The following MIF variants were observed in gnomAD, a reference collection of about 807,000 sequenced individuals.
MIF encodes the protein L-dopachrome isomerase.
Under a neutral mutation model 11.3 loss-of-function variants are expected in MIF, and 16 were observed. The ratio of observed to expected loss-of-function variants is 1.42; its 90% CI spans 0.96 to 2.16. MIF has a LOEUF of 2.16. MIF is among the 30% of genes most tolerant of loss of function. MIF has a pLI of 0.00. For synonymous variants in MIF, 83 were observed against 74.2 expected (o/e 1.12, Z -0.61); for missense variants, 229 against 165.3 (o/e 1.39, Z -2.11).
rs763638418 is a variant in MIF at position 23,894,754 on chromosome 22, C to G, written c.109-18C>G. ...GACGAGGTCGCTGGGGCGGGCTGAC[C>G]GCGCCCTTTCCTCGCAGTACATCGC... On this transcript the variant is annotated intron_variant, in intron 1 of 2. Coordinates refer to ENST00000215754, the MANE Select transcript of MIF (RefSeq NM_002415.2). The G allele has an allele frequency of 4.0e-6, 6 of 1,511,122 alleles. No homozygotes were observed. The highest frequency in any genetic ancestry group is 5.3e-6 in the Non-Finnish European group (6 of 1,131,580). The allele number at this position is 1,511,122 out of a possible 1,614,324, so 93.6% of individuals were successfully genotyped here.
chr22:23,894,734 G>A (rs1427930646), intron 1 of MIF, 38 bp from the exon 2 acceptor site: 1 of 1,490,000 alleles, frequency 6.7e-7, no homozygotes, highest in Non-Finnish European at 8.9e-7. Flanking sequence ...GGCCCGACGA[G>A]GTCGCTGGGG....
rs1340978735 is a variant in MIF, at chr22:23,894,897, G to A, written c.234G>A (p.Lys78=). The A allele has an allele frequency of 6.4e-7, 1 of 1,554,360 alleles. No homozygotes were observed. Among genetic ancestry groups the A allele is most frequent in the Middle Eastern group, 1.7e-4 (1 of 5,952 alleles). ...GCGCGCAGAACCGCTCCTACAGCAA[G>A]CTGCTGTGCGGCCTGCTGGCCGAGC... ...IGGAQNRSYS[K]LLCGLLAERL... is the part of the protein sequence containing the mutation. Residue 78 remains lysine (K), a synonymous_variant, in exon 2 of 3, where the codon AAG becomes AAA. Transcript: ENST00000215754.
intron 1 of MIF, 71 bp downstream of exon 1, chr22:23,894,653 G>A (rs984701782): frequency 5.9e-6 from 9 of 1,514,480 alleles, no homozygotes; most frequent in Non-Finnish European, 7.2e-6. Context: ...AGCTGGGGAG[G>A]CGACTCCTGA....
intron 1 of MIF, 30 bp downstream of exon 1, chr22:23,894,612 G>A (rs1325048445): frequency 6.3e-7 from 1 of 1,598,282 alleles, no homozygotes; most frequent in Non-Finnish European, 8.6e-7. Flanking sequence ...GAAGAGGGGG[G>A]TGCCCACCGG....
At position 23,895,148 on chromosome 22, in the gene MIF, G is replaced by C. The variant is rs1337338166; in HGVS notation, c.*42G>C. The C allele has an allele frequency of 1.9e-6, 3 of 1,542,616 alleles. No homozygotes were observed. The highest frequency in any genetic ancestry group is 2.0e-5 in the Admixed American group (1 of 50,984). On this transcript the variant is annotated 3_prime_UTR_variant, in exon 3 of 3. Coordinates refer to ENST00000215754, the MANE Select transcript of MIF (RefSeq NM_002415.2). Reference sequence around the variant, plus strand: ...CGCTGTCTGCGCTGGCTCCACCCGGGAACCCGCCGCACGCTGTGTTCTAGG... The same window carrying C: ...CGCTGTCTGCGCTGGCTCCACCCGGCAACCCGCCGCACGCTGTGTTCTAGG...
chr22:23,894,398 G>T lies in MIF; in HGVS notation c.-77G>T. 2 of 1,225,722 alleles carry T rather than the reference G, an allele frequency of 1.6e-6. No homozygotes were observed. The highest frequency in any genetic ancestry group is 2.4e-5 in the South Asian group (2 of 81,946). The allele number at this position is 1,225,722 out of a possible 1,614,324, so 75.9% of individuals were successfully genotyped here. A position where few individuals can be genotyped will look rare whatever the true frequency, so the allele number is the denominator to read the frequency against. ...GCGGGACCACAGTGGTGTCCGAGAA[G>T]TCAGGCACGTAGCTCAGCGGCGGCC... is the stretch of plus-strand genomic sequence containing the variant. On this transcript the variant is annotated 5_prime_UTR_variant, in exon 1 of 3. Transcript: ENST00000215754.
chr22:23,894,961 AG>A lies in MIF; in HGVS notation c.281+21del, dbSNP rs2146164385. The A allele has an allele frequency of 2.6e-6, 4 of 1,543,864 alleles. No individual in the cohort carries two copies. The East Asian group carries it at 9.9e-5, about 38-fold the overall frequency. ...CCCGGACAGGTACGCGGAGTCGCGG[AG>A]GGGCGGGGGAGGGGCGGCGGCGCGC... On this transcript the variant is annotated intron_variant, in intron 2 of 2. Transcript: ENST00000215754.
At chr22:23,894,998 G>C (rs1215762121) in intron 2 of MIF, 42 bp from the exon 3 acceptor site, 23 of 1,541,042 alleles carry the variant, frequency 1.5e-5, no homozygotes, top group Middle Eastern at 1.9e-4. Context: ...GGCCAGGCCC[G>C]GGACTGAGCC....
chr22:23,894,501 C>T lies in MIF; in HGVS notation c.27C>T (p.Asn9=), dbSNP rs554255392. MPMFIVNT[N]VPRASVPDGF... ...TGCCGATGTTCATCGTAAACACCAA[C>T]GTGCCCCGCGCCTCCGTGCCGGACG... The change falls in exon 1 of 3, where the codon AAC becomes AAT. Residue 9 remains asparagine, a synonymous_variant. Transcript: ENST00000215754. 2 of 1,613,206 alleles carry T rather than the reference C, an allele frequency of 1.2e-6. No homozygotes were observed. Among genetic ancestry groups the T allele is most frequent in the African/African-American group, 1.3e-5 (1 of 75,036 alleles).
At position 23,894,404 on chromosome 22, in the gene MIF, C is replaced by A. The variant is rs17004038; in HGVS notation, c.-71C>A. On this transcript the variant is annotated 5_prime_UTR_variant, in exon 1 of 3. Coordinates refer to ENST00000215754, the MANE Select transcript of MIF (RefSeq NM_002415.2). Reference sequence around the variant, plus strand: ...CCACAGTGGTGTCCGAGAAGTCAGGCACGTAGCTCAGCGGCGGCCGCGGCG... The same window carrying A: ...CCACAGTGGTGTCCGAGAAGTCAGGAACGTAGCTCAGCGGCGGCCGCGGCG... The A allele has an allele frequency of 7.9e-4, 1,008 of 1,277,038 alleles. 11 individuals carry two copies. The East Asian group carries it at 0.021, about 27-fold the overall frequency. The allele number at this position is 1,277,038 out of a possible 1,614,324, so 79.1% of individuals were successfully genotyped here. A position where few individuals can be genotyped will look rare whatever the true frequency, so the allele number is the denominator to read the frequency against.
rs1417221271 is a variant in MIF, at chr22:23,894,486, C to T, written c.12C>T (p.Phe4=). 1.2e-6 allele frequency: 2 copies of T among 1,613,072 alleles called. No individual in the cohort carries two copies. The highest frequency in any genetic ancestry group is 2.2e-5 in the East Asian group (1 of 44,866). ...GTCCTTCTGCCATCATGCCGATGTTCATCGTAAACACCAACGTGCCCCGCG... is the reference window on the plus strand; with the variant it reads ...GTCCTTCTGCCATCATGCCGATGTTTATCGTAAACACCAACGTGCCCCGCG... MPM[F]IVNTNVPRAS... is the part of the protein sequence containing the mutation. Residue 4 remains phenylalanine, a synonymous_variant, in exon 1 of 3, where the codon TTC becomes TTT. Transcript: ENST00000215754.
In MIF at chr22:23,895,174, C is replaced by A; in HGVS notation, c.*68C>A. 2 of 1,444,766 alleles carry A rather than the reference C, an allele frequency of 1.4e-6. No homozygotes were observed. Among genetic ancestry groups the A allele is most frequent in the Non-Finnish European group, 1.9e-6 (2 of 1,049,754 alleles). 89.5% of individuals were successfully genotyped at this position (1,444,766 alleles called of 1,614,324 possible). On this transcript the variant is annotated 3_prime_UTR_variant, in exon 3 of 3. Coordinates refer to ENST00000215754, the MANE Select transcript of MIF (RefSeq NM_002415.2). ...AACCCGCCGCACGCTGTGTTCTAGG[C>A]CCGCCCACCCCAACCTTCTGGTGGG... is the stretch of plus-strand genomic sequence containing the variant.
chr22:23,894,721 C>T, intron 1 of MIF, 51 bp from the exon 2 acceptor site: 2 of 1,479,246 alleles, frequency 1.4e-6, no homozygotes, highest in Middle Eastern at 2.2e-4. Flanking sequence ...AGTGGACGTT[C>T]GGGGCCCGAC....
Position 23,895,138 on chromosome 22 carries a change from C to T in MIF, c.*32C>T, listed in dbSNP as rs766770539. ...CAGGGACCCACGCTGTCTGCGCTGG[C>T]TCCACCCGGGAACCCGCCGCACGCT... On this transcript the variant is annotated 3_prime_UTR_variant, in exon 3 of 3. Coordinates refer to ENST00000215754, the MANE Select transcript of MIF (RefSeq NM_002415.2). 6.5e-6 allele frequency: 10 copies of T among 1,549,148 alleles called. No individual in the cohort carries two copies. The South Asian group carries it at 1.2e-4, about 18-fold the overall frequency.
Position 23,894,518 on chromosome 22 carries a change from T to C in MIF, c.44T>C (p.Val15Ala). ...AACACCAACGTGCCCCGCGCCTCCG[T>C]GCCGGACGGGTTCCTCTCCGAGCTC... ...IVNTNVPRAS[V>A]PDGFLSELTQ... Residue 15 changes from valine (V) to alanine (A), a missense_variant, in exon 1 of 3, where the codon GTG becomes GCG. Coordinates refer to ENST00000215754, the MANE Select transcript of MIF (RefSeq NM_002415.2). 4 of 1,613,236 alleles carry C rather than the reference T, an allele frequency of 2.5e-6. No homozygotes were observed. The highest frequency in any genetic ancestry group is 3.4e-6 in the Non-Finnish European group (4 of 1,179,830).
In MIF at chr22:23,894,579, C is replaced by T. The variant is rs1480040959; in HGVS notation, c.105C>T (p.Pro35=). 6.2e-7 allele frequency: 1 copy of T among 1,612,212 alleles called. No homozygotes were observed. Among genetic ancestry groups the T allele is most frequent in the African/African-American group, 1.3e-5 (1 of 74,892 alleles). The change falls in exon 1 of 3, where the codon CCC becomes CCT. Residue 35 remains proline, a synonymous_variant. Transcript: ENST00000215754. ...QQLAQATGKP[P]QYIAVHVVPD... ...TGGCGCAGGCCACCGGCAAGCCCCC[C>T]CAGGTTTGCCGGGAGGGGACAGGAA...
rs2033123211 is a variant in MIF, at chr22:23,894,729, G to A, written c.109-43G>A. Reference sequence around the variant, plus strand: ...GGCCCGAAGTGGACGTTCGGGGCCCGACGAGGTCGCTGGGGCGGGCTGACC... The same window carrying A: ...GGCCCGAAGTGGACGTTCGGGGCCCAACGAGGTCGCTGGGGCGGGCTGACC... On this transcript the variant is annotated intron_variant, in intron 1 of 2. Coordinates refer to ENST00000215754, the MANE Select transcript of MIF (RefSeq NM_002415.2). 6 of 1,487,344 alleles carry A rather than the reference G, an allele frequency of 4.0e-6. No homozygotes were observed. The Admixed American group carries it at 6.5e-5, about 16-fold the overall frequency. 92.1% of individuals were successfully genotyped at this position (1,487,344 alleles called of 1,614,324 possible).
Position 23,895,069 on chromosome 22 carries a change from C to G in MIF, c.311C>G (p.Ala104Gly). 1 of 1,559,162 alleles carries G rather than the reference C, an allele frequency of 6.4e-7. No individual in the cohort carries two copies. The highest frequency in any genetic ancestry group is 2.4e-5 in the East Asian group (1 of 41,528). Residue 104 changes from alanine (A) to glycine (G), a missense_variant, in exon 3 of 3, where the codon GCG (alanine) becomes GGG (glycine). Physicochemically the swap from Ala to Gly is moderately conservative, Grantham distance 60. Transcript: ENST00000215754. ...TACATCAACTATTACGACATGAACG[C>G]GGCCAATGTGGGCTGGAACAACTCC... ...RVYINYYDMN[A>G]ANVGWNNSTF...
intron 1 of MIF, 89 bp from the exon 2 acceptor site, chr22:23,894,683 C>CG: frequency 6.4e-6 from 3 of 465,500 alleles, no homozygotes; most frequent in Non-Finnish European, 1.1e-5. Flanking sequence ...GGGGGCGGGG[C>CG]GGGGGGAGGA....
Sources: gnomAD v4.1 joint callset for allele counts on GRCh38, gnomAD v4.1.1 for gene constraint, MANE v1.5 for transcripts, NCBI Gene and HGNC (gene_info 2026-07-23, HGNC 2026-07-21) for gene names.